HGF: variants seen among roughly 807,000 people sequenced by gnomAD.
The protein encoded by HGF is hepatocyte growth factor, also known as fibroblast-derived tumor cytotoxic factor.
Under a neutral mutation model 111.6 loss-of-function variants are expected in HGF, and 39 were observed. That is an observed-to-expected ratio of 0.35 (90% CI 0.27 to 0.46). The LOEUF is 0.46. Among genes scored for constraint, HGF ranks in the 20% least tolerant of loss-of-function variants. The pLI, the probability that HGF is intolerant of heterozygous loss-of-function variation, is 1.00. For synonymous variants in HGF, 285 were observed against 294.8 expected (o/e 0.97, Z 0.34); for missense variants, 735 against 910.5 (o/e 0.81, Z 2.48).
intron 7 of HGF, among the ~76,000 whole-genome samples, chr7:81,733,968 G>A (rs1030081858): frequency 1.6e-4 from 24 of 152,106 alleles, no homozygotes; most frequent in Admixed American, 7.2e-4. Context: ...GATTTGAAGA[G>A]GGCTATTAAA....
chr7:81,752,736 A>T (rs1788564277), intron 4 of HGF, among the ~76,000 whole-genome samples: 1 of 152,088 alleles, frequency 6.6e-6, no homozygotes, highest in Admixed American at 6.6e-5. Context: ...ATTGAGAAAC[A>T]GATTCATGAA....
At chr7:81,733,928 T>TA (rs1787745962) in intron 7 of HGF, among the ~76,000 whole-genome samples, 1 of 152,120 alleles carries the variant, frequency 6.6e-6, no homozygotes, top group Non-Finnish European at 1.5e-5. Flanking sequence ...AAACTGGGTG[T>TA]AAAAATAAAA....
chr7:81,709,923 G>T (rs1789527685), intron 13 of HGF, among the ~76,000 whole-genome samples: 3 of 152,112 alleles, frequency 2.0e-5, no homozygotes, highest in Non-Finnish European at 4.4e-5. Flanking sequence ...CAACACATAT[G>T]GGACCTTTGT....
rs2116178485 is a variant in HGF at position 81,757,200 on chromosome 7, TG to T, written c.470del (p.Pro157HisfsTer56). 1 of 1,542,972 alleles carries T rather than the reference TG, an allele frequency of 6.5e-7. No homozygotes were observed. Among genetic ancestry groups the T allele is most frequent in the Non-Finnish European group, 9.0e-7 (1 of 1,114,998 alleles). ...IKCQPWSSMI[P>X]HEHSFLPSSY... ...CATACTGTTCTTACCTGTGTTCGTG[TG>T]GTATCATGGAACTCCAGGGCTGACA... On this transcript the variant is annotated frameshift_variant, in exon 4 of 18. Transcript: ENST00000222390. LOFTEE classifies it high-confidence loss of function.
intron 8 of HGF, among the ~76,000 whole-genome samples, chr7:81,727,885 A>C (rs1387104666): frequency 6.6e-6 from 1 of 152,200 alleles, no homozygotes; most frequent in Non-Finnish European, 1.5e-5. Context: ...GAAAGTCAAG[A>C]TTTGCCCAGA....
intron 2 of HGF, among the ~76,000 whole-genome samples, chr7:81,760,875 G>A (rs1288994152): frequency 6.6e-6 from 1 of 151,946 alleles, no homozygotes; most frequent in Non-Finnish European, 1.5e-5. Flanking sequence ...CATATATATG[G>A]AATATGTGAG....
At chr7:81,744,333 A>C (rs1788139809) in intron 6 of HGF, among the ~76,000 whole-genome samples, 1 of 151,034 alleles carries the variant, frequency 6.6e-6, no homozygotes, top group Admixed American at 6.6e-5. Flanking sequence ...GGAGATGGGT[A>C]ATAATTTAAG....
rs1255421196 is a variant in HGF, at chr7:81,700,328, G to A, written c.*2253C>T. On this transcript the variant is annotated 3_prime_UTR_variant, in exon 18 of 18. Coordinates refer to ENST00000222390, the MANE Select transcript of HGF (RefSeq NM_000601.6). ...AATTCCACCCATGTCCCTCTATCAC[G>A]AAAGGAGCCTCCCAAAGAGAGAATT... is the stretch of plus-strand genomic sequence containing the variant. The A allele has an allele frequency of 2.0e-5, 3 of 151,502 alleles. No homozygotes were observed. Among genetic ancestry groups the A allele is most frequent in the African/African-American group, 4.8e-5 (2 of 41,354 alleles). 9.4% of individuals were successfully genotyped at this position (151,502 alleles called of 1,614,324 possible). A position where few individuals can be genotyped will look rare whatever the true frequency, so the allele number is the denominator to read the frequency against.
chr7:81,735,700 G>A (rs1787804946), intron 7 of HGF, among the ~76,000 whole-genome samples: 1 of 151,866 alleles, frequency 6.6e-6, no homozygotes, highest in African/African-American at 2.4e-5. Flanking sequence ...ACCTATATTA[G>A]TCTGCTCTTG....
At chr7:81,739,421 A>G (rs1787932530) in intron 7 of HGF, among the ~76,000 whole-genome samples, 1 of 152,160 alleles carries the variant, frequency 6.6e-6, no homozygotes, top group Admixed American at 6.5e-5. Context: ...AGAAAAATAC[A>G]CACATACAGT....
intron 3 of HGF, 84 bp from the exon 4 acceptor site, chr7:81,757,387 G>A: frequency 1.4e-6 from 1 of 738,632 alleles, no homozygotes; most frequent in Non-Finnish European, 2.5e-6. Context: ...AAACCTGTAA[G>A]TAATTAACTC....
Position 81,705,872 on chromosome 7 carries a change from A to T in HGF, c.1758-119T>A, listed in dbSNP as rs1010505814. On this transcript the variant is annotated intron_variant, in intron 15 of 17. Coordinates refer to ENST00000222390, the MANE Select transcript of HGF (RefSeq NM_000601.6). Reference sequence around the variant, plus strand: ...ACAGAGAATGAAGTCCTGTTTCTTAAAAAAAAAAAAAAAAAGGTGGGAATG... The same window carrying T: ...ACAGAGAATGAAGTCCTGTTTCTTATAAAAAAAAAAAAAAAGGTGGGAATG... 12 of 24,184 alleles carry T rather than the reference A, an allele frequency of 5.0e-4. No homozygotes were observed. In the African/African-American group the frequency reaches 0.013, roughly 27 times the overall value. The allele number at this position is 24,184 out of a possible 1,614,324, so 1.5% of individuals were successfully genotyped here. A position where few individuals can be genotyped will look rare whatever the true frequency, so the allele number is the denominator to read the frequency against.
intron 4 of HGF, among the ~76,000 whole-genome samples, chr7:81,753,243 A>T (rs1477248603): frequency 6.6e-6 from 1 of 152,076 alleles, no homozygotes; most frequent in Non-Finnish European, 1.5e-5. Context: ...TGCTTGTGAT[A>T]TTGGACTCAA....
chr7:81,711,575 T>C (rs1789571318), intron 11 of HGF, 56 bp from the exon 12 acceptor site: 5 of 736,928 alleles, frequency 6.8e-6, no homozygotes, highest in Admixed American at 2.6e-5. Flanking sequence ...ATATCTGTTA[T>C]ATAAAACCAA....
In HGF at chr7:81,743,478, AC is replaced by A; in HGVS notation, c.747-8del. 6.4e-7 allele frequency: 1 copy of A among 1,564,140 alleles called. No homozygotes were observed. The highest frequency in any genetic ancestry group is 8.8e-7 in the Non-Finnish European group (1 of 1,134,426). ...AAAGCCCTTGTCGGGATATCTGCAA[AC>A]CACACCAAGAAAAGTGTCACGTAAA... On this transcript the variant is annotated splice_region_variant and splice_polypyrimidine_tract_variant and intron_variant, in intron 6 of 17. Coordinates refer to ENST00000222390, the MANE Select transcript of HGF (RefSeq NM_000601.6).
At chr7:81,723,573 T>A (rs1042511965) in intron 9 of HGF, among the ~76,000 whole-genome samples, 2 of 151,120 alleles carry the variant, frequency 1.3e-5, no homozygotes, top group Admixed American at 6.6e-5. Flanking sequence ...ATACAATATA[T>A]AGTATATATA....
intron 5 of HGF, among the ~76,000 whole-genome samples, chr7:81,745,517 G>A (rs1272914155): frequency 2.0e-5 from 3 of 151,990 alleles, no homozygotes; most frequent in Non-Finnish European, 4.4e-5. Flanking sequence ...CTCTCAATTT[G>A]CCCTCCAAAT....
chr7:81,705,390 C>T lies in HGF; in HGVS notation c.2010G>A (p.Glu670=), dbSNP rs2115759049. Residue 670 remains glutamate, a splice_region_variant and synonymous_variant, in exon 17 of 18, where the codon GAG becomes GAA. Coordinates refer to ENST00000222390, the MANE Select transcript of HGF (RefSeq NM_000601.6). ...CCTTATTAAAGAACTTCCTTTTTAC[C>T]TCACATGGTCCTGATCCAATCTTTT... ...GAEKIGSGPC[E]GDYGGPLVCE... is the part of the protein sequence containing the mutation. 6.2e-7 allele frequency: 1 copy of T among 1,612,118 alleles called. No homozygotes were observed. Among genetic ancestry groups the T allele is most frequent in the Non-Finnish European group, 8.5e-7 (1 of 1,178,664 alleles).
At chr7:81,714,700 T>G (rs1257170035) in intron 11 of HGF, among the ~76,000 whole-genome samples, 1 of 151,536 alleles carries the variant, frequency 6.6e-6, no homozygotes, top group Non-Finnish European at 1.5e-5. Flanking sequence ...TTTGTAAGCA[T>G]GTTAAAAAAA....
Sources: allele counts gnomAD v4.1 joint callset (sites outside exome capture counted in the v4.1 genomes callset), GRCh38; gene constraint gnomAD v4.1.1; transcripts MANE v1.5; gene names NCBI Gene and HGNC (gene_info 2026-07-23, HGNC 2026-07-21).